PREPL: variants seen among roughly 807,000 people sequenced by gnomAD.
The protein encoded by PREPL is prolyl endopeptidase like, also known as prolyl endopeptidase-like.
In PREPL, 77 loss-of-function variants were observed where a neutral mutation model predicts 70.6. The ratio of observed to expected loss-of-function variants is 1.09; its 90% confidence interval spans 0.91 to 1.32. The LOEUF (loss-of-function observed/expected upper bound fraction) is 1.32. PREPL is among the 40% of genes most tolerant of loss of function. PREPL has a pLI of 0.00. For missense variants in PREPL, 1,002 were observed against 778.2 expected (o/e 1.29, Z -3.42); for synonymous variants, 315 against 264.8 (o/e 1.19, Z -1.84).
intron 6 of PREPL, 111 bp downstream of exon 6, chr2:44,339,036 G>A: frequency 6.7e-7 from 1 of 1,486,372 alleles, no homozygotes; most frequent in South Asian, 1.3e-5. Context: ...TTATACATAG[G>A]AAGGTGGCAT....
chr2:44,327,036 A>G, intron 9 of PREPL, 108 bp from the exon 10 acceptor site: 1 of 919,610 alleles, frequency 1.1e-6, no homozygotes, highest in Non-Finnish European at 1.7e-6. Flanking sequence ...CCCTGGAGCT[A>G]AGACTGGTTT....
At chr2:44,342,602 A>T in intron 4 of PREPL, 50 bp from the exon 5 acceptor site, 4 of 914,784 alleles carry the variant, frequency 4.4e-6, no homozygotes, top group Admixed American at 3.3e-5. Context: ...CACTCCATTA[A>T]AAAAAAAAAA....
At chr2:44,355,948 T>C (rs1676997210) in intron 1 of PREPL, among the ~76,000 whole-genome samples, 1 of 152,126 alleles carries the variant, frequency 6.6e-6, no homozygotes, top group Non-Finnish European at 1.5e-5. Context: ...TGGGAATTAT[T>C]TTTTAGGCAG....
chr2:44,321,392 A>T lies in PREPL; in HGVS notation c.1881T>A (p.Ser627Arg), dbSNP rs1310992094. The T allele has an allele frequency of 1.9e-5, 31 of 1,612,790 alleles. No homozygotes were observed. Among genetic ancestry groups the T allele is most frequent in the Non-Finnish European group, 2.5e-5 (29 of 1,178,930 alleles). Residue 627 changes from serine (S) to arginine (R), a missense_variant, in exon 14 of 14, where the codon AGT becomes AGA. Physicochemically the swap from Ser to Arg is moderately radical, Grantham distance 110 (BLOSUM62 -1). Transcript: ENST00000409411. ...LYEELGLDST[S>R]VFEDLKKYLK... is the part of the protein sequence containing the mutation. ...GGTATTTCTTAAGATCCTCGAAAAC[A>T]CTGGTGCTGTCAAGTCCAAGTTCCT...
chr2:44,329,738 T>C (rs1673899069), intron 8 of PREPL, among the ~76,000 whole-genome samples: 1 of 152,202 alleles, frequency 6.6e-6, no homozygotes, highest in Non-Finnish European at 1.5e-5. Context: ...AGTTAAATTA[T>C]TTGTAAGGTT....
At chr2:44,349,150 T>C (rs1035264442) in intron 1 of PREPL, among the ~76,000 whole-genome samples, 8 of 152,194 alleles carry the variant, frequency 5.3e-5, no homozygotes, top group African/African-American at 1.9e-4. Context: ...GAGAATGATA[T>C]GTGTTAACTT....
chr2:44,359,291 C>T (rs1677401202), intron 1 of PREPL, among the ~76,000 whole-genome samples: 1 of 152,070 alleles, frequency 6.6e-6, no homozygotes, highest in African/African-American at 2.4e-5. Context: ...TGGTCTCGAA[C>T]TCCTGACCTC....
chr2:44,327,410 C>A (rs982100026), intron 9 of PREPL, among the ~76,000 whole-genome samples: 2 of 152,032 alleles, frequency 1.3e-5, no homozygotes, highest in Non-Finnish European at 2.9e-5. Flanking sequence ...GGTATATACA[C>A]GAGTCAGGAA....
chr2:44,325,059 C>T (rs999422939), intron 10 of PREPL, among the ~76,000 whole-genome samples: 6 of 152,122 alleles, frequency 3.9e-5, no homozygotes, highest in Non-Finnish European at 7.3e-5. Context: ...TTCTTTTTGG[C>T]TGCCTACCAT....
chr2:44,338,015 C>T (rs749560486), intron 7 of PREPL, among the ~76,000 whole-genome samples: 49 of 152,336 alleles, frequency 3.2e-4, no homozygotes, highest in Middle Eastern at 3.4e-3. Context: ...TAGGCACTAG[C>T]TACCAACTTT....
chr2:44,335,601 C>T (rs1438006710), intron 7 of PREPL, among the ~76,000 whole-genome samples: 2 of 151,974 alleles, frequency 1.3e-5, no homozygotes, highest in Admixed American at 6.6e-5. Flanking sequence ...CTATAAAAAC[C>T]CTTGAAGAAA....
rs759783524 is a variant in PREPL, at chr2:44,339,160, GGTTCTCCAACATTAGTGAGAATGTA to G, written c.664_688del (p.Tyr222LeufsTer6). On this transcript the variant is annotated frameshift_variant, in exon 6 of 14. Transcript: ENST00000409411. LOFTEE classifies it high-confidence loss of function. Reference sequence around the variant, plus strand: ...ATCCAGGATTACCTTAAATTCTGTAGGTTCTCCAACATTAGTGAGAATGTATAATTCATCATCTCTGTGTTCAACA... The same window carrying G: ...ATCCAGGATTACCTTAAATTCTGTAGTAATTCATCATCTCTGTGTTCAACA... 21 of 1,613,926 alleles carry G rather than the reference GGTTCTCCAACATTAGTGAGAATGTA, an allele frequency of 1.3e-5. No individual in the cohort carries two copies. The highest frequency in any genetic ancestry group is 1.8e-5 in the Non-Finnish European group (21 of 1,179,918).
chr2:44,354,824 G>T (rs562796346), intron 1 of PREPL, among the ~76,000 whole-genome samples: 1 of 152,164 alleles, frequency 6.6e-6, no homozygotes, highest in Non-Finnish European at 1.5e-5. Context: ...CAATCCACCC[G>T]CCTCAGCCTC....
At chr2:44,344,658 G>T in intron 2 of PREPL, 72 bp from the exon 3 acceptor site, 1 of 1,167,248 alleles carries the variant, frequency 8.6e-7, no homozygotes, top group Non-Finnish European at 1.2e-6. Context: ...TATTCAAGAT[G>T]AAGATGAAAT....
At chr2:44,329,262 T>A in intron 8 of PREPL, 150 bp from the exon 9 acceptor site, 1 of 635,828 alleles carries the variant, frequency 1.6e-6, no homozygotes, top group South Asian at 2.7e-5. Context: ...AGAATTATGG[T>A]CTCTAAAAAT....
intron 7 of PREPL, among the ~76,000 whole-genome samples, chr2:44,337,047 ATAAT>A (rs1373324313): frequency 1.3e-5 from 2 of 152,232 alleles, no homozygotes; most frequent in Non-Finnish European, 2.9e-5. Flanking sequence ...GTTACCTTTC[ATAAT>A]TAATAAATTC....
At chr2:44,358,500 T>C (rs924906789) in intron 1 of PREPL, among the ~76,000 whole-genome samples, 1 of 151,820 alleles carries the variant, frequency 6.6e-6, no homozygotes, top group African/African-American at 2.4e-5. Context: ...AAGTAAAAGG[T>C]AGGAGAGGGA....
rs369887158 is a variant in PREPL at position 44,323,381 on chromosome 2, T to A, written c.1510A>T (p.Met504Leu). The stretch of plus-strand genomic sequence containing the variant: ...AATGTCAGAGGAAGTGTAGTGTCCA[T>A]CATGGTGTTGAGAACATCCAAGAAA... Reference protein sequence around the residue: ...APFLDVLNTMMDTTLPLTLEE... With the variant: ...APFLDVLNTMLDTTLPLTLEE... Residue 504 changes from methionine to leucine, a missense_variant, in exon 11 of 14, where the codon ATG becomes TTG. Met to Leu is a conservative substitution (Grantham distance 15, BLOSUM62 2). Transcript: ENST00000409411. 296 of 1,603,998 alleles carry A rather than the reference T, an allele frequency of 1.8e-4. No individual in the cohort carries two copies. The highest frequency in any genetic ancestry group is 2.4e-4 in the Non-Finnish European group (280 of 1,174,128).
intron 1 of PREPL, among the ~76,000 whole-genome samples, chr2:44,358,767 C>CA (rs943915416): frequency 1.3e-5 from 2 of 152,178 alleles, no homozygotes; most frequent in African/African-American, 4.8e-5. Context: ...AATACTCTGA[C>CA]AGTGTCTTCC....
Sources: allele counts gnomAD v4.1 joint callset (sites outside exome capture counted in the v4.1 genomes callset), GRCh38; gene constraint gnomAD v4.1.1; transcripts MANE v1.5; gene names NCBI Gene and HGNC (gene_info 2026-07-23, HGNC 2026-07-21).